FOXN3: variants seen among roughly 807,000 people sequenced by gnomAD.
FOXN3 encodes forkhead box protein N3.
Under a neutral mutation model 38.4 loss-of-function variants are expected in FOXN3, and 7 were observed. That is an observed-to-expected ratio of 0.18 (90% CI 0.10 to 0.34). FOXN3 has a LOEUF of 0.34. Ranked by LOEUF, FOXN3 falls within the 10% of genes least tolerant of loss-of-function variation. FOXN3 has a pLI of 1.00. For synonymous variants in FOXN3, 230 were observed against 242.2 expected (o/e 0.95, Z 0.47); for missense variants, 456 against 613.4 (o/e 0.74, Z 2.71).
At chr14:89,266,605 A>G (rs996020222) in intron 4 of FOXN3, among the ~76,000 whole-genome samples, 3 of 152,154 alleles carry the variant, frequency 2.0e-5, no homozygotes, top group Admixed American at 1.3e-4. Context: ...GGAGATAGAG[A>G]TAAGAAAACT....
intron 1 of FOXN3, among the ~76,000 whole-genome samples, chr14:89,511,131 T>A: frequency 2.8e-5 from 1 of 35,636 alleles, no homozygotes. Context: ...TGTCTTTCTT[T>A]CTTTCTTTCT....
chr14:89,502,910 C>T (rs1244397480), intron 1 of FOXN3, among the ~76,000 whole-genome samples: 1 of 152,132 alleles, frequency 6.6e-6, no homozygotes, highest in Non-Finnish European at 1.5e-5. Context: ...TACAAACTTT[C>T]AGACTTATTT....
intron 3 of FOXN3, among the ~76,000 whole-genome samples, chr14:89,288,754 ATATATATATATATATG>A (rs1284635882): frequency 2.1e-4 from 17 of 82,308 alleles, no homozygotes; most frequent in African/African-American, 6.7e-4. Flanking sequence ...ATATATATAT[ATATATATATATATATG>A]CTTGCACTGG....
In FOXN3 at chr14:89,295,259, T is replaced by C. The variant is rs574119791; in HGVS notation, c.681-14245A>G. Among the ~76,000 whole-genome samples, 46 of 152,318 alleles carry C rather than the reference T, an allele frequency of 3.0e-4. No homozygotes were observed. The South Asian group carries it at 9.5e-3, about 32-fold the overall frequency. On this transcript the variant is annotated intron_variant, in intron 3 of 5. Transcript: ENST00000557258. ...CGAATCCCAGGTACCCAGGACACCTTATCTGGTCACTCTCACCCTACAACC... is the reference window on the plus strand; with the variant it reads ...CGAATCCCAGGTACCCAGGACACCTCATCTGGTCACTCTCACCCTACAACC...
rs141235071 is a variant in FOXN3, at chr14:89,254,003, T to C, written c.745+26947A>G. On this transcript the variant is annotated intron_variant, in intron 4 of 5. Transcript: ENST00000557258. ...TGTATTCTGCACCCTGTAACTGTTATTTTTTTAATCCCTGGTCAAGAGCAC... is the reference window on the plus strand; with the variant it reads ...TGTATTCTGCACCCTGTAACTGTTACTTTTTTAATCCCTGGTCAAGAGCAC... Among the ~76,000 whole-genome samples, 786 of 152,262 alleles carry C rather than the reference T, an allele frequency of 5.2e-3. 3 individuals carry two copies. The highest frequency in any genetic ancestry group is 8.3e-3 in the Non-Finnish European group (567 of 68,014).
At chr14:89,518,503 TAGAC>T (rs1011633954) in intron 1 of FOXN3, among the ~76,000 whole-genome samples, 9 of 152,200 alleles carry the variant, frequency 5.9e-5, no homozygotes, top group African/African-American at 1.9e-4. Flanking sequence ...GGAAACAAGT[TAGAC>T]AGCCAAGTAT....
At chr14:89,485,716 G>A (rs2139766644) in intron 1 of FOXN3, among the ~76,000 whole-genome samples, 1 of 152,208 alleles carries the variant, frequency 6.6e-6, no homozygotes, top group South Asian at 2.1e-4. Context: ...TCCCCAATGG[G>A]CTCCACTCCA....
intron 1 of FOXN3, among the ~76,000 whole-genome samples, chr14:89,428,644 C>T (rs1487141490): frequency 1.3e-5 from 2 of 152,252 alleles, no homozygotes; most frequent in Admixed American, 6.5e-5. Context: ...CCTCACACAG[C>T]GCCAGGCCAG....
intron 1 of FOXN3, among the ~76,000 whole-genome samples, chr14:89,457,406 T>C (rs1364203200): frequency 6.6e-6 from 1 of 152,066 alleles, no homozygotes; most frequent in African/African-American, 2.4e-5. Flanking sequence ...AATGAATGCA[T>C]AGTGGCTGCA....
Position 89,162,489 on chromosome 14 carries a change from G to C in FOXN3, c.1332C>G (p.Ile444Met). The C allele has an allele frequency of 6.2e-7, 1 of 1,612,900 alleles. No individual in the cohort carries two copies. The highest frequency in any genetic ancestry group is 8.5e-7 in the Non-Finnish European group (1 of 1,179,784). The change falls in exon 6 of 6, where the codon ATC becomes ATG. Residue 444 changes from isoleucine (I) to methionine (M), a missense_variant. Coordinates refer to ENST00000557258, the MANE Select transcript of FOXN3 (RefSeq NM_005197.4). This position sits in a 1 kb window ranked among gnomAD's most constrained non-coding sequence, Gnocchi z 7.2. Reference protein sequence around the residue: ...AAGSLLHLAGIRSCLNNITNR... With the variant: ...AAGSLLHLAGMRSCLNNITNR... ...TGGTGATGTTATTCAAACAGGACCG[G>C]ATCCCTGCTAAGTGCAGGAGGGACC...
chr14:89,504,848 CCA>C (rs1200054658), intron 1 of FOXN3, among the ~76,000 whole-genome samples: 1 of 152,202 alleles, frequency 6.6e-6, no homozygotes, highest in Admixed American at 6.5e-5. Context: ...TTCCCCAACC[CCA>C]GTTAGTCCTG....
intron 1 of FOXN3, among the ~76,000 whole-genome samples, chr14:89,502,484 G>A (rs1010388070): frequency 1.3e-5 from 2 of 152,152 alleles, no homozygotes; most frequent in Non-Finnish European, 2.9e-5. Context: ...GACAACATTT[G>A]GCATTATCTC....
At chr14:89,457,752 C>T (rs1044001420) in intron 1 of FOXN3, among the ~76,000 whole-genome samples, 1 of 152,102 alleles carries the variant, frequency 6.6e-6, no homozygotes, top group African/African-American at 2.4e-5. Context: ...GTGGCTCATG[C>T]CTGTAATCCC....
At chr14:89,365,499 G>C (rs1185746520) in intron 2 of FOXN3, among the ~76,000 whole-genome samples, 1 of 152,160 alleles carries the variant, frequency 6.6e-6, no homozygotes, top group Non-Finnish European at 1.5e-5. Context: ...GAAGGCCAAA[G>C]AGGTGGCATC....
chr14:89,487,084 T>C (rs1203921616), intron 1 of FOXN3, among the ~76,000 whole-genome samples: 1 of 152,142 alleles, frequency 6.6e-6, no homozygotes, highest in Admixed American at 6.6e-5. Context: ...CTTGATCCAC[T>C]GGGTAGACCA....
chr14:89,210,887 C>T (rs921389415), intron 4 of FOXN3, among the ~76,000 whole-genome samples: 1 of 152,110 alleles, frequency 6.6e-6, no homozygotes, highest in Non-Finnish European at 1.5e-5. Flanking sequence ...CTTCATTTTG[C>T]TTTATTTTAT....
intron 1 of FOXN3, among the ~76,000 whole-genome samples, chr14:89,428,118 CGA>C (rs1440798278): frequency 1.3e-5 from 2 of 152,246 alleles, no homozygotes; most frequent in African/African-American, 2.4e-5. Flanking sequence ...CTTCTCTCTA[CGA>C]GAGTCTTTTT....
intron 4 of FOXN3, among the ~76,000 whole-genome samples, chr14:89,197,446 C>T (rs1888125973): frequency 6.6e-6 from 1 of 151,236 alleles, no homozygotes; most frequent in Admixed American, 6.6e-5. Flanking sequence ...GCAGAGGTTG[C>T]AGTGAGCCGA....
intron 5 of FOXN3, among the ~76,000 whole-genome samples, chr14:89,169,473 A>G (rs1490373292): frequency 2.0e-5 from 3 of 151,648 alleles, no homozygotes; most frequent in African/African-American, 4.9e-5. Flanking sequence ...CCAAGTATTG[A>G]TTGTACAATA....
Sources: gnomAD v4.1 joint callset for allele counts (sites outside exome capture counted in the v4.1 genomes callset) on GRCh38, gnomAD v4.1.1 for gene constraint, Gnocchi (gnomAD v3.1) non-coding constraint, MANE v1.5 for transcripts, NCBI Gene and HGNC (gene_info 2026-07-23, HGNC 2026-07-21) for gene names.